TC2N: variants seen among roughly 807,000 people sequenced by gnomAD.
TC2N encodes tandem C2 domains, nuclear.
In TC2N, 51 loss-of-function variants were observed where a neutral mutation model predicts 61.9. That is an observed-to-expected ratio of 0.82 (90% CI 0.66 to 1.04). TC2N has a LOEUF of 1.04. TC2N is among the 50% of genes least tolerant of loss of function. The pLI is 0.00. For synonymous variants in TC2N, 204 were observed against 192.6 expected, an observed-to-expected ratio of 1.06 and a Z score of -0.49; for missense variants, 556 against 566.7, an observed-to-expected ratio of 0.98 and a Z score of 0.19.
intron 9 of TC2N, among the ~76,000 whole-genome samples, chr14:91,791,426 T>G (rs1180627622): frequency 6.6e-6 from 1 of 152,206 alleles, no homozygotes; most frequent in African/African-American, 2.4e-5. Context: ...GCATATAGGT[T>G]TGACCTTACA....
intron 4 of TC2N, 69 bp from the exon 5 acceptor site, chr14:91,800,441 TA>T (rs943714921): frequency 2.5e-6 from 2 of 792,202 alleles, no homozygotes; most frequent in African/African-American, 3.6e-5. Context: ...TACCATGAAC[TA>T]AATCTCTGTA....
chr14:91,858,850 C>T (rs17127634), intron 1 of TC2N, among the ~76,000 whole-genome samples: 21,088 of 152,124 alleles, frequency 0.14, 1,609 homozygotes, highest in Non-Finnish European at 0.16. Context: ...GTCCTCTACA[C>T]ATGTTCCCAA....
rs1486498528 is a variant in TC2N at position 91,781,591 on chromosome 14, G to A, written c.*1509C>T. ...TTTTTAAAAACAATTTTTAAAAGTT[G>A]TATTCGTCTCAGATTCAAAATATTA... On this transcript the variant is annotated 3_prime_UTR_variant, in exon 12 of 12. Coordinates refer to ENST00000435962, the MANE Select transcript of TC2N (RefSeq NM_001128596.3). The A allele has an allele frequency of 3.3e-5, 5 of 152,022 alleles. No individual in the cohort carries two copies. The allele number at this position is 152,022 out of a possible 1,614,324, so 9.4% of individuals were successfully genotyped here.
At chr14:91,821,754 A>G (rs1887264299) in intron 1 of TC2N, among the ~76,000 whole-genome samples, 1 of 152,124 alleles carries the variant, frequency 6.6e-6, no homozygotes, top group Non-Finnish European at 1.5e-5. Flanking sequence ...CACACATCCA[A>G]TAAAATATGG....
At chr14:91,804,525 A>G (rs1027618372) in intron 3 of TC2N, among the ~76,000 whole-genome samples, 5 of 152,248 alleles carry the variant, frequency 3.3e-5, no homozygotes, top group African/African-American at 1.2e-4. Context: ...ACTACTGTAC[A>G]CTATGCCATT....
chr14:91,864,356 G>T (rs1376008062), intron 1 of TC2N, among the ~76,000 whole-genome samples: 1 of 152,094 alleles, frequency 6.6e-6, no homozygotes, highest in Non-Finnish European at 1.5e-5. Context: ...CCCTAAAAGG[G>T]GTCCCTGCTT....
At position 91,800,356 on chromosome 14, in the gene TC2N, C is replaced by T. The variant is rs752322015; in HGVS notation, c.486G>A (p.Thr162=). 3.8e-6 allele frequency: 6 copies of T among 1,598,638 alleles called. No homozygotes were observed. Among genetic ancestry groups the T allele is most frequent in the African/African-American group, 2.7e-5 (2 of 74,174 alleles). ...RLYGSVCDLR[T]NKLPGSPGLS... ...GCCCAGGGGAACCGGGAAGTTTGTT[C>T]GTCCTTAAATCACAAACTACAAAGG... The change falls in exon 5 of 12, where the codon ACG becomes ACA. Residue 162 remains threonine, a synonymous_variant. Transcript: ENST00000435962.
chr14:91,799,942 A>G (rs1338573652), intron 5 of TC2N, among the ~76,000 whole-genome samples: 1 of 152,098 alleles, frequency 6.6e-6, no homozygotes, highest in Non-Finnish European at 1.5e-5. Flanking sequence ...AAGAAATATA[A>G]TTTTTAAAAC....
intron 3 of TC2N, 39 bp downstream of exon 3, chr14:91,812,273 T>C: frequency 1.7e-6 from 2 of 1,149,408 alleles, no homozygotes; most frequent in Non-Finnish European, 2.5e-6. Context: ...ACTTAAATGC[T>C]ACATATCGAT....
intron 1 of TC2N, among the ~76,000 whole-genome samples, chr14:91,833,267 C>T (rs1195108204): frequency 2.0e-5 from 3 of 152,054 alleles, no homozygotes; most frequent in African/African-American, 7.2e-5. Context: ...TAAATAAATA[C>T]ATGGTTGTGG....
rs115628238 is a variant in TC2N at position 91,807,085 on chromosome 14, G to C, written c.302-4664C>G. Among the ~76,000 whole-genome samples, 684 of 152,306 alleles carry C rather than the reference G, an allele frequency of 4.5e-3. 7 individuals are homozygous for C. The highest frequency in any genetic ancestry group is 0.016 in the African/African-American group (649 of 41,574). On this transcript the variant is annotated intron_variant, in intron 3 of 11. Transcript: ENST00000435962. ...CAGCTTCCACATGGTTGAGCCTGCA[G>C]GTGCATAGAAGTCACAAGAATTGAG...
intron 1 of TC2N, among the ~76,000 whole-genome samples, chr14:91,834,399 T>A (rs1004440291): frequency 6.6e-6 from 1 of 152,212 alleles, no homozygotes; most frequent in Non-Finnish European, 1.5e-5. Context: ...ATGCACTTCG[T>A]TTTTAAAATT....
At chr14:91,784,163 A>G (rs1413209890) in intron 11 of TC2N, among the ~76,000 whole-genome samples, 1 of 152,108 alleles carries the variant, frequency 6.6e-6, no homozygotes, top group Non-Finnish European at 1.5e-5. Context: ...TAGCCAAGAG[A>G]ATGGAATCAC....
At chr14:91,806,279 A>G (rs1485114599) in intron 3 of TC2N, among the ~76,000 whole-genome samples, 3 of 152,152 alleles carry the variant, frequency 2.0e-5, no homozygotes, top group Admixed American at 6.6e-5. Context: ...AACTGGTACC[A>G]GGAGTGGGGT....
intron 9 of TC2N, among the ~76,000 whole-genome samples, chr14:91,791,778 T>C (rs1045508218): frequency 6.6e-6 from 1 of 152,114 alleles, no homozygotes; most frequent in African/African-American, 2.4e-5. Flanking sequence ...AGGTTATTCA[T>C]ACTTCAGAGT....
chr14:91,815,493 G>A (rs2139868528), intron 1 of TC2N, among the ~76,000 whole-genome samples: 1 of 151,762 alleles, frequency 6.6e-6, no homozygotes, highest in Middle Eastern at 3.4e-3. Context: ...AAATTAAATT[G>A]TATAAGAACT....
chr14:91,806,296 G>C (rs934001360), intron 3 of TC2N, among the ~76,000 whole-genome samples: 1 of 152,192 alleles, frequency 6.6e-6, no homozygotes, highest in African/African-American at 2.4e-5. Flanking sequence ...GGGTGCTGCT[G>C]TAAAGATACC....
chr14:91,796,391 T>C (rs1013688437), intron 8 of TC2N, among the ~76,000 whole-genome samples: 2 of 152,068 alleles, frequency 1.3e-5, no homozygotes, highest in South Asian at 4.1e-4. Context: ...AAACATTAGT[T>C]TTCATAGTTA....
chr14:91,798,257 T>G (rs756231201), intron 7 of TC2N, 42 bp downstream of exon 7: 1 of 1,083,364 alleles, frequency 9.2e-7, no homozygotes, highest in Non-Finnish European at 1.4e-6. Context: ...GTCTAAATAT[T>G]CAATTTTGTA....
Sources: allele counts gnomAD v4.1 joint callset (sites outside exome capture counted in the v4.1 genomes callset), GRCh38; gene constraint gnomAD v4.1.1; transcripts MANE v1.5; gene names NCBI Gene and HGNC (gene_info 2026-07-23, HGNC 2026-07-21).